FAT3: variants seen among roughly 807,000 people sequenced by gnomAD.
The protein encoded by FAT3 is protocadherin Fat 3.
Under a neutral mutation model 310.2 loss-of-function variants are expected in FAT3, and 95 were observed. That is an observed-to-expected ratio of 0.31 (90% CI 0.26 to 0.36). The LOEUF is 0.36. Ranked by LOEUF, FAT3 falls within the 10% of genes least tolerant of loss-of-function variation. The pLI, the probability that FAT3 is intolerant of heterozygous loss-of-function variation, is 1.00. For missense variants in FAT3, 5,408 were observed against 5,715.6 expected (o/e 0.95, Z 1.74); for synonymous variants, 2,314 against 2,192.9 (o/e 1.06, Z -1.54).
chr11:92,852,110 T>C (rs1245242484), intron 19 of FAT3, among the ~76,000 whole-genome samples: 4 of 152,098 alleles, frequency 2.6e-5, no homozygotes, highest in African/African-American at 7.2e-5. Flanking sequence ...GACCCAGACA[T>C]GGGTATATCT....
chr11:92,569,375 A>G (rs1211054067), intron 3 of FAT3, among the ~76,000 whole-genome samples: 2 of 152,216 alleles, frequency 1.3e-5, no homozygotes, highest in African/African-American at 2.4e-5. Context: ...TGCATAGTCT[A>G]TGCAATCACA....
chr11:92,680,100 A>G (rs1053516944), intron 3 of FAT3, among the ~76,000 whole-genome samples: 3 of 150,622 alleles, frequency 2.0e-5, no homozygotes, highest in African/African-American at 7.3e-5. Context: ...GAAATTTTTT[A>G]GTGTGATTAA....
In FAT3 at chr11:92,342,272, G is replaced by A. The variant is rs543705098; in HGVS notation, c.-17-9824G>A. On this transcript the variant is annotated intron_variant, in intron 1 of 27. Transcript: ENST00000525166. ...TGCCCCTTCACCTCAATGATGTATG[G>A]CAGCTCTACGTATGCCCAAGCCTCC... 8.5e-5 allele frequency among the ~76,000 whole-genome samples: 13 copies of A among 152,128 alleles called. No individual in the cohort carries two copies. The South Asian group carries it at 2.5e-3, about 29-fold the overall frequency.
chr11:92,230,370 T>C (rs1864120042), intron 1 of FAT3, among the ~76,000 whole-genome samples: 1 of 152,190 alleles, frequency 6.6e-6, no homozygotes, highest in South Asian at 2.1e-4. Flanking sequence ...CTTGGCTCAC[T>C]GCAACCTCCG....
chr11:92,335,855 C>T (rs1196849600), intron 1 of FAT3, among the ~76,000 whole-genome samples: 1 of 152,028 alleles, frequency 6.6e-6, no homozygotes, highest in Non-Finnish European at 1.5e-5. Flanking sequence ...ACAATCATTC[C>T]AAAATCAATC....
At chr11:92,859,708 T>C (rs184166758) in intron 21 of FAT3, among the ~76,000 whole-genome samples, 1 of 152,322 alleles carries the variant, frequency 6.6e-6, no homozygotes, top group Non-Finnish European at 1.5e-5. Flanking sequence ...TTGAAGGCAA[T>C]TTCTGTTCTT....
chr11:92,314,147 T>C (rs1947376655), intron 1 of FAT3: 1 of 221,830 alleles, frequency 4.5e-6, no homozygotes, highest in African/African-American at 2.3e-5. Flanking sequence ...GGGAAAGTTG[T>C]GTGACATTCT....
chr11:92,641,408 C>T (rs1372284496), intron 3 of FAT3, among the ~76,000 whole-genome samples: 2 of 152,160 alleles, frequency 1.3e-5, no homozygotes, highest in African/African-American at 2.4e-5. Context: ...GGCATTTATT[C>T]TCTCACAGTC....
intron 4 of FAT3, among the ~76,000 whole-genome samples, chr11:92,701,193 G>T (rs1284660137): frequency 6.6e-6 from 1 of 152,136 alleles, no homozygotes; most frequent in East Asian, 1.9e-4. Flanking sequence ...CTTCTTGAAA[G>T]GACCCATTTA....
intron 2 of FAT3, among the ~76,000 whole-genome samples, chr11:92,441,965 G>A (rs1236250336): frequency 4.6e-5 from 7 of 151,118 alleles, no homozygotes; most frequent in Admixed American, 1.3e-4. Context: ...CGACTCAGGA[G>A]CTACTCAAGA....
rs1365894621 is a variant in FAT3 at position 92,513,069 on chromosome 11, C to A, written c.3293-11565C>A. ...CCCGGGAGGCGGAGCTTGCAGTGAGCCGAGATCGCGCCACTGCACTCCAGC... is the reference window on the plus strand; with the variant it reads ...CCCGGGAGGCGGAGCTTGCAGTGAGACGAGATCGCGCCACTGCACTCCAGC... On this transcript the variant is annotated intron_variant, in intron 2 of 27. Transcript: ENST00000525166. Among the ~76,000 whole-genome samples the A allele has an allele frequency of 7.2e-5, 9 of 125,100 alleles. 3 individuals are homozygous for A. The highest frequency in any genetic ancestry group is 1.5e-4 in the Non-Finnish European group (9 of 61,066). 82.1% of individuals were successfully genotyped at this position (125,100 alleles called of 152,430 possible). A position where few individuals can be genotyped will look rare whatever the true frequency, so the allele number is the denominator to read the frequency against.
chr11:92,797,689 T>C, intron 9 of FAT3, 147 bp from the exon 10 acceptor site: 1 of 688,616 alleles, frequency 1.5e-6, no homozygotes, highest in Non-Finnish European at 2.4e-6. Context: ...GAGAAGCCTC[T>C]CATTTTATTT....
chr11:92,868,246 A>G (rs1192961585), intron 22 of FAT3, among the ~76,000 whole-genome samples: 6 of 152,224 alleles, frequency 3.9e-5, no homozygotes, highest in Non-Finnish European at 8.8e-5. Flanking sequence ...CCATTTTATT[A>G]TTAGAATGTT....
chr11:92,525,594 A>G (rs927123922), intron 3 of FAT3, among the ~76,000 whole-genome samples: 3 of 152,170 alleles, frequency 2.0e-5, no homozygotes, highest in Non-Finnish European at 2.9e-5. Flanking sequence ...TGAGACAGGT[A>G]TGTACGTTGG....
In FAT3 at chr11:92,800,670, A is replaced by T. The variant is rs1410994040; in HGVS notation, c.7657A>T (p.Ile2553Phe). 2 of 1,613,716 alleles carry T rather than the reference A, an allele frequency of 1.2e-6. No individual in the cohort carries two copies. Among genetic ancestry groups the T allele is most frequent in the Non-Finnish European group, 1.7e-6 (2 of 1,179,848 alleles). Residue 2553 changes from isoleucine (I) to phenylalanine (F), a missense_variant, in exon 10 of 28, where the codon ATC (isoleucine) becomes TTC (phenylalanine). Around this residue, in one of 5 missense-constraint regions of FAT3, gnomAD observed 4,588 missense variants for 4,809.8 expected, o/e 0.95. Transcript: ENST00000525166. ...CCTCATAGACAGCAATGGGCAGGTCATCACCACAGAAAGGCTAGACCGGGA... is the reference window on the plus strand; with the variant it reads ...CCTCATAGACAGCAATGGGCAGGTCTTCACCACAGAAAGGCTAGACCGGGA... The part of the protein sequence containing the change: ...RFLIDSNGQV[I>F]TTERLDRENP...
chr11:92,599,444 A>G (rs570720926), intron 3 of FAT3, among the ~76,000 whole-genome samples: 1 of 152,118 alleles, frequency 6.6e-6, no homozygotes, highest in African/African-American at 2.4e-5. Context: ...CTCCCACGAC[A>G]TGAGAGGATT....
chr11:92,872,040 AAAGAT>A (rs1949405911), intron 22 of FAT3, among the ~76,000 whole-genome samples: 2 of 152,234 alleles, frequency 1.3e-5, no homozygotes, highest in South Asian at 4.2e-4. Flanking sequence ...GCTCCCCTTC[AAAGAT>A]AAGAGTAATA....
rs929980676 is a variant in FAT3, at chr11:92,487,125, A to G, written c.3293-37509A>G. Among the ~76,000 whole-genome samples, 4 of 152,158 alleles carry G rather than the reference A, an allele frequency of 2.6e-5. 1 individual carries two copies. Among genetic ancestry groups the G allele is most frequent in the Non-Finnish European group, 5.9e-5 (4 of 68,036 alleles). On this transcript the variant is annotated intron_variant, in intron 2 of 27. Transcript: ENST00000525166. The stretch of plus-strand genomic sequence containing the variant: ...CCCACTTAGTAATCGTTTAGAAGCA[A>G]TCCTGAGGGTGTTGCTGTAGCTTGG...
chr11:92,829,429 G>T (rs904713659), intron 13 of FAT3, among the ~76,000 whole-genome samples: 1 of 152,152 alleles, frequency 6.6e-6, no homozygotes, highest in Non-Finnish European at 1.5e-5. Context: ...TTCCATAAAT[G>T]CATTTTTGTG....
Sources: gnomAD v4.1 joint callset for allele counts (sites outside exome capture counted in the v4.1 genomes callset) on GRCh38, gnomAD v4.1.1 for gene constraint, gnomAD v4.1.1 regional missense constraint, MANE v1.5 for transcripts, NCBI Gene and HGNC (gene_info 2026-07-23, HGNC 2026-07-21) for gene names.